CHRDL2: variants seen among roughly 807,000 people sequenced by gnomAD.
The protein encoded by CHRDL2 is chordin like 2, also known as chordin-like protein 2.
Under a neutral mutation model 54.3 loss-of-function variants are expected in CHRDL2, and 41 were observed. That is an observed-to-expected ratio of 0.76 (90% CI 0.59 to 0.98). The LOEUF (loss-of-function observed/expected upper bound fraction) is 0.98, where lower values mean the gene tolerates loss of function less well. Among genes scored for constraint, CHRDL2 ranks in the 50% least tolerant of loss-of-function variants. CHRDL2 has a pLI of 0.00. For synonymous variants in CHRDL2, 220 were observed against 224.3 expected, an observed-to-expected ratio of 0.98 and a Z score of 0.17; for missense variants, 518 against 562.4, an observed-to-expected ratio of 0.92 and a Z score of 0.80.
chr11:74,707,765 G>A (rs747531881), intron 5 of CHRDL2, among the ~76,000 whole-genome samples: 5 of 151,870 alleles, frequency 3.3e-5, no homozygotes, highest in African/African-American at 7.3e-5. Context: ...CCTCAAGCCC[G>A]CAGCTCCTGT....
intron 1 of CHRDL2, among the ~76,000 whole-genome samples, chr11:74,725,296 A>C (rs2135278331): frequency 6.6e-6 from 1 of 152,314 alleles, no homozygotes; most frequent in African/African-American, 2.4e-5. Flanking sequence ...CAGCCCTGGA[A>C]GCCTCTTTCT....
intron 3 of CHRDL2, 54 bp downstream of exon 3, chr11:74,713,332 C>T (rs1289094197): frequency 6.7e-7 from 1 of 1,499,440 alleles, no homozygotes; most frequent in Non-Finnish European, 9.3e-7. Flanking sequence ...TAGAGGGCTA[C>T]ACTGGGAGTA....
chr11:74,719,324 T>A (rs1412453212), intron 1 of CHRDL2: 1 of 156,766 alleles, frequency 6.4e-6, no homozygotes, highest in Admixed American at 6.5e-5. Context: ...ATTTAGTACA[T>A]CACCTCACCC....
Position 74,708,378 on chromosome 11 carries a change from G to T in CHRDL2, c.450C>A (p.Cys150Ter). The change falls in exon 5 of 11, where the codon TGC (cysteine) becomes TGA (stop). Residue 150 changes from cysteine to a stop codon, truncating the protein, a stop_gained. Coordinates refer to ENST00000376332, the MANE Select transcript of CHRDL2 (RefSeq NM_001278473.3). LOFTEE classifies it high-confidence loss of function. ...LCSCTEGQIY[C>*]GLTTCPEPGC... ...CTGGTTCGGGGCAGGTTGTGAGGCC[G>T]CAGTAGATCTGGCCCTCCTGACAGA... 2 of 1,583,924 alleles carry T rather than the reference G, an allele frequency of 1.3e-6. No homozygotes were observed. The highest frequency in any genetic ancestry group is 1.7e-6 in the Non-Finnish European group (2 of 1,167,656).
At chr11:74,702,011 TGGGAGG>T (rs2033829317) in intron 9 of CHRDL2, among the ~76,000 whole-genome samples, 27 of 152,122 alleles carry the variant, frequency 1.8e-4, no homozygotes, top group Non-Finnish European at 7.4e-5. Context: ...CCCAGCACTT[TGGGAGG>T]CTGATGCCGG....
Position 74,718,709 on chromosome 11 carries a change from G to C in CHRDL2, c.195+11C>G. On this transcript the variant is annotated intron_variant, in intron 2 of 10. Coordinates refer to ENST00000376332, the MANE Select transcript of CHRDL2 (RefSeq NM_001278473.3). ...CCTGACACAGGTGGTCAGGTGGCCA[G>C]AGGAACCTACCTCTGAGCAGGTACA... The C allele has an allele frequency of 6.3e-7, 1 of 1,594,910 alleles. No individual in the cohort carries two copies.
chr11:74,712,902 T>G (rs2034241591), intron 3 of CHRDL2, among the ~76,000 whole-genome samples: 1 of 152,148 alleles, frequency 6.6e-6, no homozygotes, highest in African/African-American at 2.4e-5. Context: ...ACATTTAGCA[T>G]CAGGACACAT....
At position 74,716,562 on chromosome 11, in the gene CHRDL2, A is replaced by G. The variant is rs545273672; in HGVS notation, c.195+2158T>C. Among the ~76,000 whole-genome samples, 831 of 150,798 alleles carry G rather than the reference A, an allele frequency of 5.5e-3. 10 individuals are homozygous for G. Among genetic ancestry groups the G allele is most frequent in the African/African-American group, 0.019 (785 of 40,898 alleles). The stretch of plus-strand genomic sequence containing the variant: ...CTCCAAAAAAAAAAAAAAAAAAAGA[A>G]AGAAAAGAAAAGAAATTGGAGAATA... On this transcript the variant is annotated intron_variant, in intron 2 of 10. Coordinates refer to ENST00000376332, the MANE Select transcript of CHRDL2 (RefSeq NM_001278473.3).
At chr11:74,718,652 G>A in intron 2 of CHRDL2, 68 bp downstream of exon 2, 1 of 1,066,222 alleles carries the variant, frequency 9.4e-7, no homozygotes, top group Non-Finnish European at 1.4e-6. Context: ...TCCTCCTTCT[G>A]GGGTGACTTC....
chr11:74,697,766 AG>A (rs1489308641), intron 9 of CHRDL2: 4 of 299,700 alleles, frequency 1.3e-5, no homozygotes, highest in Non-Finnish European at 2.7e-5. Flanking sequence ...CAGGAGGGAG[AG>A]GAGGAAGAAA....
In CHRDL2 at chr11:74,718,940, A is replaced by T. The variant is rs1277154404; in HGVS notation, c.83-108T>A. 2.6e-5 allele frequency: 18 copies of T among 695,810 alleles called. No individual in the cohort carries two copies. In the East Asian group the frequency reaches 4.7e-4, roughly 18 times the overall value. 43.1% of individuals were successfully genotyped at this position (695,810 alleles called of 1,614,324 possible). On this transcript the variant is annotated intron_variant, in intron 1 of 10. Transcript: ENST00000376332. ...AAAAGAGATGTCATCTGGGCCACTC[A>T]GGCAAAAGAGAATCTGCTAGACAAC...
Position 74,716,655 on chromosome 11 carries a change from G to GT in CHRDL2, c.195+2064dup, listed in dbSNP as rs1289903106. 8.3e-3 allele frequency among the ~76,000 whole-genome samples: 1,218 copies of GT among 147,334 alleles called. 14 individuals are homozygous for GT. Among genetic ancestry groups the GT allele is most frequent in the African/African-American group, 0.023 (949 of 40,412 alleles). ...TAGGTCCAATGAAAAGCTATTAGAG[G>GT]TTTTTTTTTTTCTTTTCTCTCTTTT... On this transcript the variant is annotated intron_variant, in intron 2 of 10. Coordinates refer to ENST00000376332, the MANE Select transcript of CHRDL2 (RefSeq NM_001278473.3).
rs757691297 is a variant in CHRDL2 at position 74,706,508 on chromosome 11, A to G, written c.561T>C (p.Ser187=). 6.2e-7 allele frequency: 1 copy of G among 1,613,938 alleles called. No homozygotes were observed. Residue 187 remains serine, a synonymous_variant, in exon 6 of 11, where the codon AGT becomes AGC. Coordinates refer to ENST00000376332, the MANE Select transcript of CHRDL2 (RefSeq NM_001278473.3). ...TCACCACCCCATGGAGCGACTGCAC[A>G]CTGTCCTCTTCATCCGATTGCTCAC... The part of the protein sequence containing the change: ...EASEQSDEED[S]VQSLHGVRHP...
At chr11:74,703,159 C>T (rs1188308794) in intron 8 of CHRDL2, 146 bp downstream of exon 8, 1 of 1,081,812 alleles carries the variant, frequency 9.2e-7, no homozygotes, top group South Asian at 1.6e-5. Flanking sequence ...ATTTTCCACT[C>T]CTGTGTGTCT....
chr11:74,711,773 G>A (rs1167125022), intron 3 of CHRDL2, among the ~76,000 whole-genome samples: 1 of 151,738 alleles, frequency 6.6e-6, no homozygotes, highest in African/African-American at 2.4e-5. Context: ...CTAGGAGTTC[G>A]AGACTGGCCT....
At chr11:74,710,240 G>A (rs1416059489) in intron 4 of CHRDL2, among the ~76,000 whole-genome samples, 4 of 150,456 alleles carry the variant, frequency 2.7e-5, no homozygotes, top group Admixed American at 1.3e-4. Context: ...AAAATGACAC[G>A]CGGAAAGCCA....
At position 74,713,486 on chromosome 11, in the gene CHRDL2, G is replaced by C. The variant is rs1201064332; in HGVS notation, c.196-7C>G. ...AACAACTCACATGGGCGCCCTGAAG[G>C]GGACACAAGGGTCAGCCCTGGTTCA... is the stretch of plus-strand genomic sequence containing the variant. On this transcript the variant is annotated splice_polypyrimidine_tract_variant and splice_region_variant and intron_variant, in intron 2 of 10. Transcript: ENST00000376332. 1.1e-5 allele frequency: 18 copies of C among 1,612,172 alleles called. No homozygotes were observed. Among genetic ancestry groups the C allele is most frequent in the Non-Finnish European group, 1.4e-5 (17 of 1,178,306 alleles).
At chr11:74,706,777 T>C (rs887528905) in intron 5 of CHRDL2, among the ~76,000 whole-genome samples, 6 of 152,212 alleles carry the variant, frequency 3.9e-5, no homozygotes, top group Non-Finnish European at 8.8e-5. Context: ...GCTGCCTCAG[T>C]TTCCCTGTAC....
intron 9 of CHRDL2, 140 bp downstream of exon 9, chr11:74,702,654 G>T: frequency 1.3e-6 from 1 of 746,528 alleles, no homozygotes; most frequent in Non-Finnish European, 2.2e-6. Flanking sequence ...CCTGCATCTT[G>T]GAATCAGGGG....
Sources: gnomAD v4.1 joint callset for allele counts (sites outside exome capture counted in the v4.1 genomes callset) on GRCh38, gnomAD v4.1.1 for gene constraint, MANE v1.5 for transcripts, NCBI Gene and HGNC (gene_info 2026-07-23, HGNC 2026-07-21) for gene names.